Variants in DCDC1 observed in about 807,000 individuals in gnomAD.
DCDC1 encodes the protein doublecortin domain-containing protein 1.
A neutral mutation model predicts 178.3 loss-of-function variants in DCDC1; 200 were observed. That is an observed-to-expected ratio of 1.12 (90% CI 1.00 to 1.26). DCDC1 has a LOEUF of 1.26. Among genes scored for constraint, DCDC1 ranks in the 50% most tolerant of loss-of-function variants. The probability of loss-of-function intolerance (pLI) is 0.00; values close to 1 mark genes in which losing one functional copy is unlikely to be tolerated. For missense variants in DCDC1, 1,983 were observed against 1,749.2 expected, an observed-to-expected ratio of 1.13 and a Z score of -2.38; for synonymous variants, 690 against 604.8, an observed-to-expected ratio of 1.14 and a Z score of -2.07.
At position 31,094,190 on chromosome 11, in the gene DCDC1, T is replaced by C. The variant is rs924605916; in HGVS notation, c.1984-6A>G. ...AGGACAATATTGGGATCTACCTGTA[T>C]CATAAGAAGAAGTATGCATTTTTAA... On this transcript the variant is annotated splice_region_variant and splice_polypyrimidine_tract_variant and intron_variant, in intron 15 of 38. Transcript: ENST00000684477. The C allele has an allele frequency of 1.3e-6, 1 of 765,962 alleles. No homozygotes were observed. The highest frequency in any genetic ancestry group is 1.3e-5 in the South Asian group (1 of 74,608). 47.4% of individuals were successfully genotyped at this position (765,962 alleles called of 1,614,324 possible).
intron 20 of DCDC1, among the ~76,000 whole-genome samples, chr11:30,957,152 C>T (rs562259224): frequency 1.3e-5 from 2 of 152,222 alleles, no homozygotes; most frequent in Admixed American, 1.3e-4. Flanking sequence ...CCTTATCCTC[C>T]CTCATCTAGG....
chr11:31,093,637 C>T (rs16921770), intron 16 of DCDC1, among the ~76,000 whole-genome samples: 2,268 of 152,276 alleles, frequency 0.015, 54 homozygotes, highest in African/African-American at 0.052. Flanking sequence ...TTTAAAACTA[C>T]GTCCTTGCTA....
Position 30,863,644 on chromosome 11 carries a change from A to C in DCDC1, c.*1729T>G, listed in dbSNP as rs1940798076. 6.6e-6 allele frequency: 1 copy of C among 152,270 alleles called. No individual in the cohort carries two copies. The highest frequency in any genetic ancestry group is 2.4e-5 in the African/African-American group (1 of 41,476). 9.4% of individuals were successfully genotyped at this position (152,270 alleles called of 1,614,324 possible). ...TGGTTTATTGTTTTTGAATAAAACA[A>C]AATAAGATATTACTACAGAGAAAGT... On this transcript the variant is annotated 3_prime_UTR_variant, in exon 39 of 39. Coordinates refer to ENST00000684477, the MANE Select transcript of DCDC1 (RefSeq NM_001387274.1).
intron 9 of DCDC1, among the ~76,000 whole-genome samples, chr11:31,216,900 C>T (rs1005411337): frequency 6.6e-6 from 1 of 152,122 alleles, no homozygotes; most frequent in Non-Finnish European, 1.5e-5. Context: ...TAAATCAGTT[C>T]CTCTCATCCC....
At chr11:30,932,804 T>C (rs1947022385) in intron 21 of DCDC1, among the ~76,000 whole-genome samples, 1 of 152,002 alleles carries the variant, frequency 6.6e-6, no homozygotes, top group Admixed American at 6.6e-5. Context: ...TTATCAGACT[T>C]GAGGATTAAT....
Position 31,110,293 on chromosome 11 carries a change from A to G in DCDC1, c.1554T>C (p.Asp518=). 2 of 715,398 alleles carry G rather than the reference A, an allele frequency of 2.8e-6. No individual in the cohort carries two copies. Among genetic ancestry groups the G allele is most frequent in the South Asian group, 1.5e-5 (1 of 68,474 alleles). 44.3% of individuals were successfully genotyped at this position (715,398 alleles called of 1,614,324 possible). A position where few individuals can be genotyped will look rare whatever the true frequency, so the allele number is the denominator to read the frequency against. Residue 518 remains aspartate (D), a synonymous_variant, in exon 12 of 39, where the codon GAT becomes GAC. Transcript: ENST00000684477. ...VGISKKDLGS[D]SPIQTDHMME... The stretch of plus-strand genomic sequence containing the variant: ...TCATATGGTCAGTTTGAATTGGGCT[A>G]TCCGATCCCAAATCTTTTTTACTGA...
chr11:30,922,502 C>A lies in DCDC1; in HGVS notation c.3133+1G>T. ...TTAAGGTAAATAATTCCAATGCTTA[C>A]CTTCTATTTTATGTGTGCTGCAGAA... On this transcript the variant is annotated splice_donor_variant, in intron 24 of 38. Transcript: ENST00000684477. LOFTEE classifies it high-confidence loss of function. 1 of 1,524,736 alleles carries A rather than the reference C, an allele frequency of 6.6e-7. No individual in the cohort carries two copies. Among genetic ancestry groups the A allele is most frequent in the Non-Finnish European group, 8.7e-7 (1 of 1,143,482 alleles). The allele number at this position is 1,524,736 out of a possible 1,614,324, so 94.5% of individuals were successfully genotyped here.
chr11:31,074,893 AT>A (rs892323530), intron 18 of DCDC1, among the ~76,000 whole-genome samples: 4 of 152,024 alleles, frequency 2.6e-5, no homozygotes, highest in Admixed American at 6.6e-5. Context: ...CAGAGCCTAA[AT>A]TTTTTTTATA....
intron 20 of DCDC1, among the ~76,000 whole-genome samples, chr11:31,039,729 C>T (rs886706485): frequency 3.3e-5 from 5 of 151,878 alleles, no homozygotes; most frequent in African/African-American, 1.2e-4. Context: ...GGGTATTATG[C>T]CATAAAATTT....
chr11:31,196,904 C>A (rs116490881), intron 9 of DCDC1, among the ~76,000 whole-genome samples: 1 of 152,220 alleles, frequency 6.6e-6, no homozygotes, highest in African/African-American at 2.4e-5. Flanking sequence ...AGCCACAAAT[C>A]ATCTCATTAG....
intron 21 of DCDC1, among the ~76,000 whole-genome samples, chr11:30,942,717 T>C (rs1264321231): frequency 6.6e-6 from 1 of 152,212 alleles, no homozygotes; most frequent in Non-Finnish European, 1.5e-5. Context: ...TCTGCAGACA[T>C]TGGCTTTGGC....
rs780565589 is a variant in DCDC1 at position 30,871,551 on chromosome 11, A to ACTAT, written c.*41-6223_*41-6220dup. Among the ~76,000 whole-genome samples the ACTAT allele has an allele frequency of 2.0e-5, 3 of 152,088 alleles. No homozygotes were observed. The South Asian group carries it at 6.2e-4, about 32-fold the overall frequency. On this transcript the variant is annotated intron_variant, in intron 38 of 38. Transcript: ENST00000684477. ...GTTCTCTTTACTGGCTTCCCACTGC[A>ACTAT]CTATCTATCTATCTATCTCCCTCTC...
chr11:31,205,594 T>C (rs1462383488), intron 9 of DCDC1, among the ~76,000 whole-genome samples: 1 of 152,190 alleles, frequency 6.6e-6, no homozygotes. Flanking sequence ...CTTGTGTAAG[T>C]GCCAATATTA....
chr11:31,294,610 G>A (rs1591668919), intron 6 of DCDC1, among the ~76,000 whole-genome samples: 1 of 32,940 alleles, frequency 3.0e-5, no homozygotes, highest in Non-Finnish European at 6.5e-5. Context: ...GGAGGGGAGG[G>A]GAGGGGAGGG....
chr11:31,257,693 A>AACACACAC (rs60535376), intron 8 of DCDC1, among the ~76,000 whole-genome samples: 1,694 of 143,906 alleles, frequency 0.012, 18 homozygotes, highest in East Asian at 0.048. Flanking sequence ...CAGATAGGAA[A>AACACACAC]ACACACACAC....
At chr11:30,970,907 G>A (rs986843091) in intron 20 of DCDC1, among the ~76,000 whole-genome samples, 1 of 152,124 alleles carries the variant, frequency 6.6e-6, no homozygotes, top group Non-Finnish European at 1.5e-5. Flanking sequence ...TGCCATCTGG[G>A]GGCCTGGAGA....
At chr11:31,109,764 A>G (rs11031290) in intron 12 of DCDC1, among the ~76,000 whole-genome samples, 6,156 of 152,262 alleles carry the variant, frequency 0.04, 185 homozygotes, top group South Asian at 0.1. Flanking sequence ...AAAGAGCCTG[A>G]GCATGTTGGT....
At chr11:31,117,234 G>A (rs1273054174) in intron 11 of DCDC1, among the ~76,000 whole-genome samples, 1 of 152,130 alleles carries the variant, frequency 6.6e-6, no homozygotes, top group Non-Finnish European at 1.5e-5. Context: ...GCTGGGATTA[G>A]GGGGTTGGGC....
intron 8 of DCDC1, among the ~76,000 whole-genome samples, chr11:31,243,016 T>C (rs1319920037): frequency 6.6e-6 from 1 of 151,878 alleles, no homozygotes; most frequent in East Asian, 1.9e-4. Flanking sequence ...AAAATTCACT[T>C]ATTTAGCTTG....
Sources: allele counts gnomAD v4.1 joint callset (sites outside exome capture counted in the v4.1 genomes callset), GRCh38; gene constraint gnomAD v4.1.1; transcripts MANE v1.5; gene names NCBI Gene and HGNC (gene_info 2026-07-23, HGNC 2026-07-21).